The following FKBP1C variants were observed in gnomAD, a reference collection of about 807,000 sequenced individuals.
FKBP1C encodes the protein FKBP prolyl isomerase family member 1C.
FKBP1C carries 7 observed loss-of-function variants against 7.1 expected under a neutral mutation model. The ratio of observed to expected loss-of-function variants is 0.99; its 90% CI spans 0.56 to 1.86. The LOEUF (loss-of-function observed/expected upper bound fraction) is 1.86. Ranked by LOEUF, FKBP1C falls within the 40% of genes most tolerant of loss-of-function variation. The pLI, the probability that FKBP1C is intolerant of heterozygous loss-of-function variation, is 0.00. For synonymous variants in FKBP1C, 56 were observed against 51.2 expected (o/e 1.09, Z -0.40); for missense variants, 159 against 139.9 (o/e 1.14, Z -0.69).
chr6:63,211,536 C>A (rs752167659), exon 1 of FKBP1C: 6 of 1,055,750 alleles, frequency 5.7e-6, no homozygotes, highest in Non-Finnish European at 8.6e-6. Flanking sequence ...GCTGCCCGCC[C>A]GCTCGGCGTC....
At position 63,211,517 on chromosome 6, in the gene FKBP1C, G is replaced by A. The variant is rs956288873; in HGVS notation, c.-40G>A. On this transcript the variant is annotated 5_prime_UTR_variant, in exon 1 of 1. Coordinates refer to ENST00000370659, the Ensembl canonical transcript of FKBP1C. ...CGCCAGGTCGCTGTCGGTCCACGCC[G>A]CCCGTCGCGCTGCCCGCCCGCTCGG... 1.8e-5 allele frequency: 15 copies of A among 815,982 alleles called. No individual in the cohort carries two copies. In the African/African-American group the frequency reaches 1.9e-4, roughly 10 times the overall value. The allele number at this position is 815,982 out of a possible 1,614,324, so 50.5% of individuals were successfully genotyped here. A position where few individuals can be genotyped will look rare whatever the true frequency, so the allele number is the denominator to read the frequency against.
At chr6:63,211,551 G>C in exon 1 of FKBP1C, 1 of 1,249,082 alleles carries the variant, frequency 8.0e-7, no homozygotes, top group Non-Finnish European at 1.2e-6. Context: ...GGCGTCGGCC[G>C]CCGCCATGGG....
exon 1 of FKBP1C, chr6:63,212,327 TTGC>T: frequency 5.1e-6 from 1 of 197,344 alleles, no homozygotes; most frequent in Non-Finnish European, 1.2e-5. Context: ...TTAAACATTC[TTGC>T]TGCTGCGCTG....
At chr6:63,212,705 T>C (rs1766124683) in exon 1 of FKBP1C, 1 of 167,038 alleles carries the variant, frequency 6.0e-6, no homozygotes, top group South Asian at 2.1e-4. Flanking sequence ...AGAACTTTAA[T>C]TGACAGTTTC....
At chr6:63,211,756 T>C in exon 1 of FKBP1C, 1 of 1,613,982 alleles carries the variant, frequency 6.2e-7, no homozygotes, top group Non-Finnish European at 8.5e-7. Context: ...GTTGTCCAGA[T>C]GAGTGTGGGT....
chr6:63,211,635 T>C lies in FKBP1C; in HGVS notation c.79T>C (p.Tyr27His), dbSNP rs758198001. 4.3e-6 allele frequency: 7 copies of C among 1,613,410 alleles called. No individual in the cohort carries two copies. In the East Asian group the frequency reaches 1.3e-4, roughly 31 times the overall value. The stretch of plus-strand genomic sequence containing the variant: ...GCGCAGCCAGACCTGCGTGATGCAC[T>C]ACACCGGGATGCTTGAAGATGGAAA... Residue 27 changes from tyrosine to histidine, a missense_variant, in exon 1 of 1, where the codon TAC becomes CAC. Transcript: ENST00000370659.
exon 1 of FKBP1C, chr6:63,211,550 C>G: frequency 8.0e-7 from 1 of 1,243,710 alleles, no homozygotes. Flanking sequence ...CGGCGTCGGC[C>G]GCCGCCATGG....
chr6:63,212,156 A>G lies in FKBP1C; in HGVS notation c.*273A>G, dbSNP rs1766114447. 8.5e-6 allele frequency: 5 copies of G among 588,454 alleles called. No homozygotes were observed. The South Asian group carries it at 8.7e-5, about 10-fold the overall frequency. The allele number at this position is 588,454 out of a possible 1,614,324, so 36.5% of individuals were successfully genotyped here. On this transcript the variant is annotated 3_prime_UTR_variant, in exon 1 of 1. Coordinates refer to ENST00000370659, the Ensembl canonical transcript of FKBP1C. ...ATTTTACTTTTTCATTTTGGGGTGA[A>G]GATTCAGTTTCAGTCTTTTGAATAT...
chr6:63,211,532 C>T lies in FKBP1C; in HGVS notation c.-25C>T, dbSNP rs538500009. On this transcript the variant is annotated 5_prime_UTR_variant, in exon 1 of 1. Coordinates refer to ENST00000370659, the Ensembl canonical transcript of FKBP1C. The stretch of plus-strand genomic sequence containing the variant: ...GGTCCACGCCGCCCGTCGCGCTGCC[C>T]GCCCGCTCGGCGTCGGCCGCCGCCA... 28 of 1,009,240 alleles carry T rather than the reference C, an allele frequency of 2.8e-5. No individual in the cohort carries two copies. The East Asian group carries it at 4.4e-4, about 16-fold the overall frequency. The allele number at this position is 1,009,240 out of a possible 1,614,324, so 62.5% of individuals were successfully genotyped here.
chr6:63,211,988 T>C (rs1766111953), exon 1 of FKBP1C: 3 of 1,316,734 alleles, frequency 2.3e-6, no homozygotes, highest in Non-Finnish European at 3.3e-6. Flanking sequence ...TTTCCTGATG[T>C]TCCACTCCAC....
rs761350387 is a variant in FKBP1C at position 63,211,686 on chromosome 6, A to G, written c.130A>G (p.Asn44Asp). The G allele has an allele frequency of 6.8e-6, 11 of 1,614,082 alleles. 1 individual carries two copies. The South Asian group carries it at 1.2e-4, about 18-fold the overall frequency. The change falls in exon 1 of 1, where the codon AAC becomes GAC. Residue 44 changes from asparagine (N) to aspartate (D), a missense_variant. Physicochemically the swap from Asn to Asp is conservative, Grantham distance 23 (BLOSUM62 1). Coordinates refer to ENST00000370659, the Ensembl canonical transcript of FKBP1C. ...GAAATTTGATTCCTCCCGGGACAGA[A>G]ACAAGCCCTTTAAGTTTATGCTAGG...
At chr6:63,211,497 G>A in exon 1 of FKBP1C, 1 of 671,914 alleles carries the variant, frequency 1.5e-6, no homozygotes, top group Non-Finnish European at 2.7e-6. Context: ...ACCGCCGCCA[G>A]GTCGCTGTCG....
chr6:63,211,550 C>T (rs536267612), exon 1 of FKBP1C: 12 of 1,243,708 alleles, frequency 9.6e-6, no homozygotes, highest in Admixed American at 9.5e-5. Context: ...CGGCGTCGGC[C>T]GCCGCCATGG....
chr6:63,211,492 C>T (rs1462588106), exon 1 of FKBP1C: 3 of 658,944 alleles, frequency 4.6e-6, no homozygotes, highest in South Asian at 1.8e-5. Flanking sequence ...GTGGAACCGC[C>T]GCCAGGTCGC....
At chr6:63,211,711 G>T in exon 1 of FKBP1C, 1 of 1,614,048 alleles carries the variant, frequency 6.2e-7, no homozygotes, top group Non-Finnish European at 8.5e-7. Flanking sequence ...TTTATGCTAG[G>T]CAAGCAGGAG....
chr6:63,211,769 G>A, exon 1 of FKBP1C: 1 of 1,614,000 alleles, frequency 6.2e-7, no homozygotes, highest in Non-Finnish European at 8.5e-7. Flanking sequence ...GTGTGGGTCA[G>A]AGAGCCAAAC....
exon 1 of FKBP1C, chr6:63,211,934 G>A: frequency 6.3e-7 from 1 of 1,586,214 alleles, no homozygotes; most frequent in Non-Finnish European, 8.7e-7. Flanking sequence ...GCCATGGAGG[G>A]ATCTGGTGCC....
exon 1 of FKBP1C, chr6:63,212,218 C>A (rs576038579): frequency 9.5e-5 from 43 of 453,156 alleles, no homozygotes; most frequent in African/African-American, 7.7e-4. Context: ...GTGTTAACAG[C>A]ACAAGTGATA....
At chr6:63,212,798 T>C (rs970578668) in exon 1 of FKBP1C, 2 of 166,840 alleles carry the variant, frequency 1.2e-5, no homozygotes, top group African/African-American at 4.8e-5. Flanking sequence ...CTTAAGAAAA[T>C]GATGCTGGTC....
Sources: gnomAD v4.1 joint callset for allele counts on GRCh38, gnomAD v4.1.1 for gene constraint, MANE v1.5 for transcripts, NCBI Gene and HGNC (gene_info 2026-07-23, HGNC 2026-07-21) for gene names.